MAP3K13: variants seen among roughly 807,000 people sequenced by gnomAD.
MAP3K13 encodes mitogen-activated protein kinase kinase kinase 13, also known as leucine zipper-bearing kinase.
Under a neutral mutation model 104.0 loss-of-function variants are expected in MAP3K13, and 52 were observed. The ratio of observed to expected loss-of-function variants is 0.50; its 90% CI spans 0.40 to 0.63. The LOEUF is 0.63. MAP3K13 is among the 20% of genes least tolerant of loss of function. MAP3K13 has a pLI of 0.00. For missense variants in MAP3K13, 914 were observed against 1,218.5 expected, an observed-to-expected ratio of 0.75 and a Z score of 3.72; for synonymous variants, 394 against 442.2, an observed-to-expected ratio of 0.89 and a Z score of 1.37.
chr3:185,366,490 T>G (rs1723893337), intron 1 of MAP3K13, among the ~76,000 whole-genome samples: 1 of 152,224 alleles, frequency 6.6e-6, no homozygotes, highest in Non-Finnish European at 1.5e-5. Flanking sequence ...TACTATATGT[T>G]TAACATTTTC....
chr3:185,454,736 TATATATATCATATATATGAG>T (rs1716258501), intron 7 of MAP3K13, among the ~76,000 whole-genome samples: 3 of 12,546 alleles, frequency 2.4e-4, no homozygotes, highest in Admixed American at 1.6e-3. Context: ...ATATATATGA[TATATATATCATATATATGAG>T]ATATATATGA....
At chr3:185,387,210 G>A (rs953735864) in intron 1 of MAP3K13, among the ~76,000 whole-genome samples, 1 of 152,150 alleles carries the variant, frequency 6.6e-6, no homozygotes, top group Admixed American at 6.5e-5. Context: ...TGTTGGAGGT[G>A]GGGCCTAATG....
chr3:185,289,130 G>A (rs914054134), intron 2 of MAP3K13, among the ~76,000 whole-genome samples: 17 of 152,136 alleles, frequency 1.1e-4, no homozygotes, highest in African/African-American at 4.1e-4. Context: ...CTTGTTCTCT[G>A]TTATTTGAGG....
chr3:185,377,625 G>A (rs555593292), intron 1 of MAP3K13, among the ~76,000 whole-genome samples: 29 of 152,310 alleles, frequency 1.9e-4, no homozygotes, highest in East Asian at 9.6e-4. Flanking sequence ...AAGCCTGGCC[G>A]TCAATACCCA....
At position 185,460,866 on chromosome 3, in the gene MAP3K13, C is replaced by T. The variant is rs1180399125; in HGVS notation, c.1279-2684C>T. ...CTAGATGTCAGGAGATTTATTTCCT[C>T]TAGAATTAAAACAAATCTCATCTGT... On this transcript the variant is annotated intron_variant, in intron 7 of 13. Coordinates refer to ENST00000265026, the MANE Select transcript of MAP3K13 (RefSeq NM_004721.5). 2.6e-5 allele frequency among the ~76,000 whole-genome samples: 4 copies of T among 152,136 alleles called. No homozygotes were observed. The East Asian group carries it at 7.7e-4, about 29-fold the overall frequency.
intron 2 of MAP3K13, among the ~76,000 whole-genome samples, chr3:185,318,087 A>C (rs900978870): frequency 1.3e-5 from 2 of 152,182 alleles, no homozygotes; most frequent in African/African-American, 4.8e-5. Flanking sequence ...GGTTTTTTAA[A>C]TATTTCAAAT....
At chr3:185,427,829 A>C (rs971881296) in intron 1 of MAP3K13, among the ~76,000 whole-genome samples, 14 of 152,188 alleles carry the variant, frequency 9.2e-5, no homozygotes, top group African/African-American at 3.1e-4. Context: ...CTGTAATCCC[A>C]ACACTTTGGG....
At chr3:185,391,146 C>T (rs1372423116) in intron 1 of MAP3K13, among the ~76,000 whole-genome samples, 1 of 152,084 alleles carries the variant, frequency 6.6e-6, no homozygotes, top group Non-Finnish European at 1.5e-5. Context: ...TGTTGTGCAA[C>T]CATCACCACT....
At chr3:185,356,799 C>T (rs1482915525) in intron 2 of MAP3K13, among the ~76,000 whole-genome samples, 1 of 152,052 alleles carries the variant, frequency 6.6e-6, no homozygotes, top group Non-Finnish European at 1.5e-5. Context: ...CCTATCTGAA[C>T]CATATGGACT....
upstream of MAP3K13, among the ~76,000 whole-genome samples, chr3:185,361,403 T>G (rs1447024896): frequency 6.6e-6 from 1 of 151,174 alleles, no homozygotes; most frequent in Non-Finnish European, 1.5e-5. Flanking sequence ...TTGTTTTTTT[T>G]TTTTCTTTTT....
chr3:185,315,522 G>C lies in MAP3K13; in HGVS notation c.-86+29879G>C, dbSNP rs1257246049. Among the ~76,000 whole-genome samples the C allele has an allele frequency of 1.3e-5, 2 of 152,110 alleles. No homozygotes were observed. The highest frequency in any genetic ancestry group is 4.8e-5 in the African/African-American group (2 of 41,428). On this transcript the variant is annotated intron_variant, in intron 2 of 14. Transcript: ENST00000424227. The surrounding 1 kb of genome is among the most constrained non-coding windows in gnomAD (Gnocchi z 4.3). ...CCATTAATTGAGAACGACTGCATTAGAAAAATCATGGGAAAAAATATGGAA... is the reference window on the plus strand; with the variant it reads ...CCATTAATTGAGAACGACTGCATTACAAAAATCATGGGAAAAAATATGGAA...
chr3:185,289,177 A>G (rs532302340), intron 2 of MAP3K13, among the ~76,000 whole-genome samples: 1 of 152,302 alleles, frequency 6.6e-6, no homozygotes, highest in Non-Finnish European at 1.5e-5. Flanking sequence ...GTATAGAACT[A>G]TTAATAGTTA....
chr3:185,428,195 C>T (rs993617936), intron 1 of MAP3K13, among the ~76,000 whole-genome samples: 4 of 151,930 alleles, frequency 2.6e-5, no homozygotes, highest in Non-Finnish European at 4.4e-5. Context: ...TTGTTAGTTC[C>T]TTGGATTTTT....
At chr3:185,454,944 GATATATATGATATATATATGAGAT>G (rs1716326718) in intron 7 of MAP3K13, among the ~76,000 whole-genome samples, 3 of 41,970 alleles carry the variant, frequency 7.1e-5, no homozygotes, top group African/African-American at 2.8e-4. Context: ...ATATATATGA[GATATATATGATATATATATGAGAT>G]ATATATATGA....
At chr3:185,341,771 G>A (rs1422746132) in intron 2 of MAP3K13, among the ~76,000 whole-genome samples, 1 of 152,170 alleles carries the variant, frequency 6.6e-6, no homozygotes, top group Non-Finnish European at 1.5e-5. Flanking sequence ...ATAGTCCACA[G>A]GCTGACTGCC....
At chr3:185,377,809 C>T (rs995483247) in intron 1 of MAP3K13, among the ~76,000 whole-genome samples, 3 of 152,206 alleles carry the variant, frequency 2.0e-5, no homozygotes, top group South Asian at 2.1e-4. Context: ...AGTCTTCAGC[C>T]GCTAAGCCGA....
chr3:185,314,382 G>A (rs371368382), intron 2 of MAP3K13, among the ~76,000 whole-genome samples: 4 of 152,266 alleles, frequency 2.6e-5, no homozygotes, highest in South Asian at 2.1e-4. Flanking sequence ...TTGGGAGGCC[G>A]AGGTGGGTGG....
At chr3:185,313,053 G>A (rs556110002) in intron 2 of MAP3K13, among the ~76,000 whole-genome samples, 2 of 152,038 alleles carry the variant, frequency 1.3e-5, no homozygotes, top group South Asian at 4.1e-4. Context: ...AGCCAGGCGT[G>A]GTGGTGTGTG....
chr3:185,328,896 G>A (rs1342569463), intron 2 of MAP3K13: 1 of 277,106 alleles, frequency 3.6e-6, no homozygotes, highest in African/African-American at 2.2e-5. Context: ...GCAAAGTTTA[G>A]TTTAGTCTGT....
Sources: gnomAD v4.1 joint callset for allele counts (sites outside exome capture counted in the v4.1 genomes callset) on GRCh38, gnomAD v4.1.1 for gene constraint, Gnocchi (gnomAD v3.1) non-coding constraint, MANE v1.5 for transcripts, NCBI Gene and HGNC (gene_info 2026-07-23, HGNC 2026-07-21) for gene names.